Variants in DIAPH2 observed in about 807,000 individuals in gnomAD.
DIAPH2 encodes diaphanous related formin 2.
In DIAPH2, 35 loss-of-function variants were observed where a neutral mutation model predicts 92.7. The observed-to-expected ratio is 0.38, with a 90% CI of 0.29 to 0.50. DIAPH2 has a LOEUF of 0.50. DIAPH2 is among the 20% of genes least tolerant of loss of function. The pLI, the probability that DIAPH2 is intolerant of heterozygous loss-of-function variation, is 0.94. For synonymous variants in DIAPH2, 301 were observed against 280.4 expected, an observed-to-expected ratio of 1.07 and a Z score of -0.73; for missense variants, 701 against 819.5, an observed-to-expected ratio of 0.86 and a Z score of 1.77.
intron 4 of DIAPH2, among the ~76,000 whole-genome samples, chrX:96,787,870 TTTTTTTTA>T (rs1282637521): frequency 9.4e-6 from 1 of 106,774 alleles, no homozygotes; most frequent in South Asian, 4.2e-4. Context: ...TTTTTCTTTT[TTTTTTTTA>T]TTTTTTATTT....
intron 4 of DIAPH2, among the ~76,000 whole-genome samples, chrX:96,785,134 T>G (rs2147629969): frequency 8.9e-6 from 1 of 111,745 alleles, no homozygotes; most frequent in East Asian, 2.8e-4. Flanking sequence ...ACAGAAAAAA[T>G]GGATTTGGTT....
At chrX:96,975,672 C>T (rs993421276) in intron 17 of DIAPH2, among the ~76,000 whole-genome samples, 1 of 111,646 alleles carries the variant, frequency 9.0e-6, no homozygotes, top group Middle Eastern at 4.2e-3. Flanking sequence ...TTATTTCTCA[C>T]GCTTCTGGAG....
intron 23 of DIAPH2, among the ~76,000 whole-genome samples, chrX:97,310,869 G>A (rs1452670248): frequency 9.0e-6 from 1 of 111,466 alleles, no homozygotes; most frequent in Admixed American, 9.6e-5. Context: ...AATTAGCCGG[G>A]CATGGTGGCA....
intron 22 of DIAPH2, among the ~76,000 whole-genome samples, chrX:97,213,620 G>A (rs1272357291): frequency 3.6e-5 from 4 of 111,959 alleles, no homozygotes; most frequent in Middle Eastern, 4.2e-3. Context: ...TTCCAAAACC[G>A]TAACTGTATT....
At chrX:97,116,758 TCTTAATTTC>T (rs1327557739) in intron 21 of DIAPH2, among the ~76,000 whole-genome samples, 1 of 112,295 alleles carries the variant, frequency 8.9e-6, no homozygotes, top group Admixed American at 9.4e-5. Context: ...CTTATAAGTG[TCTTAATTTC>T]ACACTATTCA....
chrX:96,841,244 T>C (rs1396868960), intron 4 of DIAPH2, among the ~76,000 whole-genome samples: 2 of 112,130 alleles, frequency 1.8e-5, no homozygotes, highest in East Asian at 2.8e-4. Flanking sequence ...TTCATGCTTA[T>C]GTTATCCTCT....
At chrX:96,780,394 ATGTG>A (rs1175093214) in intron 4 of DIAPH2, among the ~76,000 whole-genome samples, 1 of 111,469 alleles carries the variant, frequency 9.0e-6, no homozygotes, top group African/African-American at 3.3e-5. Context: ...ATTATTTAAA[ATGTG>A]TGTGTGTGTG....
At chrX:97,305,944 C>T (rs914445159) in intron 23 of DIAPH2, among the ~76,000 whole-genome samples, 2 of 109,766 alleles carry the variant, frequency 1.8e-5, no homozygotes, top group Non-Finnish European at 3.8e-5. Flanking sequence ...CCTAGAGCTG[C>T]TTTTAACAAC....
At chrX:97,373,314 A>G (rs949335366) in intron 24 of DIAPH2, among the ~76,000 whole-genome samples, 1 of 110,449 alleles carries the variant, frequency 9.1e-6, no homozygotes, top group Non-Finnish European at 1.9e-5. Context: ...ATTTTCTACA[A>G]TAAAGAAATA....
intron 3 of DIAPH2, among the ~76,000 whole-genome samples, chrX:96,740,078 G>A (rs986238177): frequency 8.9e-6 from 1 of 112,134 alleles, no homozygotes; most frequent in African/African-American, 3.2e-5. Flanking sequence ...ACCTTGGACT[G>A]TGTCATCCTT....
At chrX:97,300,768 T>TA (rs2068689307) in intron 23 of DIAPH2, among the ~76,000 whole-genome samples, 1 of 88,800 alleles carries the variant, frequency 1.1e-5, no homozygotes, top group African/African-American at 4.0e-5. Context: ...CCGTCTCTAC[T>TA]AAAAATACAA....
intron 23 of DIAPH2, among the ~76,000 whole-genome samples, chrX:97,279,803 A>G (rs150645385): frequency 0.016 from 1,755 of 111,318 alleles, 44 homozygotes; most frequent in African/African-American, 0.054. Flanking sequence ...AAGAATATAC[A>G]TCTCGGGCTG....
intron 4 of DIAPH2, among the ~76,000 whole-genome samples, chrX:96,833,335 T>C (rs1436829740): frequency 9.0e-6 from 1 of 111,693 alleles, no homozygotes; most frequent in African/African-American, 3.2e-5. Flanking sequence ...TTGTAATATA[T>C]TTTAAATATT....
In DIAPH2 at chrX:96,979,860, G is replaced by C. The variant is rs187649205; in HGVS notation, c.2050+14653G>C. The stretch of plus-strand genomic sequence containing the variant: ...TGGCGGAAACTGGAATGAGGGCACT[G>C]GAGCTAGCCAGCTGTTTTGGCTGGC... On this transcript the variant is annotated intron_variant, in intron 17 of 26. Transcript: ENST00000324765. 5.4e-4 allele frequency among the ~76,000 whole-genome samples: 60 copies of C among 111,920 alleles called. No individual in the cohort carries two copies. The East Asian group carries it at 5.9e-3, about 11-fold the overall frequency.
chrX:96,787,341 T>G (rs2064464523), intron 4 of DIAPH2, among the ~76,000 whole-genome samples: 1 of 111,077 alleles, frequency 9.0e-6, no homozygotes, highest in South Asian at 3.9e-4. Context: ...ATTTTTGAAG[T>G]CTTCAAAGAT....
At chrX:97,145,771 G>T (rs2067242405) in intron 22 of DIAPH2, among the ~76,000 whole-genome samples, 1 of 110,460 alleles carries the variant, frequency 9.1e-6, no homozygotes, top group Admixed American at 9.8e-5. Flanking sequence ...AACTCAAAAA[G>T]ATCTTACGCA....
chrX:97,073,090 G>A, intron 18 of DIAPH2, 48 bp downstream of exon 18: 1 of 845,290 alleles, frequency 1.2e-6, no homozygotes, highest in Non-Finnish European at 1.7e-6. Flanking sequence ...CGGTGAGAGG[G>A]GTGGGAGCTG....
intron 9 of DIAPH2, 79 bp downstream of exon 9, chrX:96,918,696 C>A: frequency 1.4e-6 from 1 of 716,564 alleles, no homozygotes; most frequent in Non-Finnish European, 2.1e-6. Flanking sequence ...TCCATTTTAG[C>A]TGGCATTTAA....
intron 26 of DIAPH2, among the ~76,000 whole-genome samples, chrX:97,524,039 G>T (rs770565061): frequency 2.7e-5 from 3 of 111,505 alleles, no homozygotes; most frequent in Non-Finnish European, 5.7e-5. Context: ...AGAGTAAACC[G>T]TAGAATAGTA....
Sources: gnomAD v4.1 joint callset for allele counts (sites outside exome capture counted in the v4.1 genomes callset) on GRCh38, gnomAD v4.1.1 for gene constraint, MANE v1.5 for transcripts, NCBI Gene and HGNC (gene_info 2026-07-23, HGNC 2026-07-21) for gene names.